Variants in PTK2 observed in about 807,000 individuals in gnomAD.
PTK2 encodes protein tyrosine kinase 2.
A neutral mutation model predicts 150.1 loss-of-function variants in PTK2; 45 were observed. That is an observed-to-expected ratio of 0.30 (90% CI 0.24 to 0.38). The LOEUF (loss-of-function observed/expected upper bound fraction) is 0.38, where lower values mean the gene tolerates loss of function less well. Ranked by LOEUF, PTK2 falls within the 10% of genes least tolerant of loss-of-function variation. The probability of loss-of-function intolerance (pLI) is 1.00; values close to 1 mark genes in which losing one functional copy is unlikely to be tolerated. For synonymous variants in PTK2, 432 were observed against 449.2 expected, an observed-to-expected ratio of 0.96 and a Z score of 0.48; for missense variants, 919 against 1,307.3, an observed-to-expected ratio of 0.70 and a Z score of 4.58.
intron 10 of PTK2, among the ~76,000 whole-genome samples, chr8:140,808,839 G>A (rs919730940): frequency 6.7e-6 from 1 of 149,500 alleles, no homozygotes; most frequent in Non-Finnish European, 1.5e-5. Context: ...GGGTTCAAGC[G>A]ATTCTCCTGC....
At position 140,800,444 on chromosome 8, in the gene PTK2, G is replaced by A. The variant is rs1217887093; in HGVS notation, c.1093+15C>T. Reference sequence around the variant, plus strand: ...GTAGAAGCGCAATTGGGAATGCTCAGAAACAGCACCTCACCTTTCTGAGGT... The same window carrying A: ...GTAGAAGCGCAATTGGGAATGCTCAAAAACAGCACCTCACCTTTCTGAGGT... On this transcript the variant is annotated intron_variant, in intron 12 of 31. Transcript: ENST00000522684. 1.9e-6 allele frequency: 3 copies of A among 1,597,036 alleles called. No individual in the cohort carries two copies. Among genetic ancestry groups the A allele is most frequent in the Non-Finnish European group, 2.6e-6 (3 of 1,164,636 alleles).
intron 25 of PTK2, among the ~76,000 whole-genome samples, chr8:140,701,401 C>T (rs1314864128): frequency 6.6e-6 from 1 of 152,060 alleles, no homozygotes; most frequent in Non-Finnish European, 1.5e-5. Flanking sequence ...AAATAGCAGA[C>T]AACTATAGAT....
intron 4 of PTK2, among the ~76,000 whole-genome samples, chr8:140,878,736 T>C (rs2100147143): frequency 6.6e-6 from 1 of 152,056 alleles, no homozygotes; most frequent in Non-Finnish European, 1.5e-5. Context: ...TAGCATTGCC[T>C]ATAAAAATTA....
intron 14 of PTK2, among the ~76,000 whole-genome samples, chr8:140,789,062 T>G (rs1323272270): frequency 6.6e-6 from 1 of 152,186 alleles, no homozygotes. Context: ...AAAGCAATAC[T>G]CAAACACCAT....
chr8:140,800,135 A>T (rs2100094108), intron 12 of PTK2, among the ~76,000 whole-genome samples: 1 of 152,202 alleles, frequency 6.6e-6, no homozygotes, highest in South Asian at 2.1e-4. Context: ...TTTTAAACCC[A>T]GAATTTTATT....
intron 2 of PTK2, among the ~76,000 whole-genome samples, chr8:140,895,513 C>A (rs13258420): frequency 0.42 from 62,466 of 148,912 alleles, 14,993 homozygotes; most frequent in Non-Finnish European, 0.55. Context: ...CAGAGCACAA[C>A]CCTGTCTCCT....
chr8:140,843,877 C>T (rs2100123757), intron 7 of PTK2, among the ~76,000 whole-genome samples: 1 of 151,646 alleles, frequency 6.6e-6, no homozygotes, highest in South Asian at 2.1e-4. Flanking sequence ...CTATACTTTA[C>T]TCAGATTTCA....
intron 7 of PTK2, among the ~76,000 whole-genome samples, chr8:140,832,199 C>T (rs894903072): frequency 1.2e-4 from 19 of 152,114 alleles, no homozygotes; most frequent in African/African-American, 4.6e-4. Flanking sequence ...GGTTTACAGG[C>T]CTGCACTACC....
At chr8:140,891,294 C>G (rs2100154170) in intron 2 of PTK2, among the ~76,000 whole-genome samples, 2 of 152,042 alleles carry the variant, frequency 1.3e-5, no homozygotes, top group Admixed American at 6.6e-5. Flanking sequence ...GAGAATCAGA[C>G]AGACAGCAAC....
At chr8:140,779,958 C>G (rs1202249942) in intron 14 of PTK2, among the ~76,000 whole-genome samples, 3 of 152,094 alleles carry the variant, frequency 2.0e-5, no homozygotes, top group Admixed American at 2.0e-4. Flanking sequence ...ATGGGGGAAC[C>G]TCCTATTCCA....
In PTK2 at chr8:140,887,073, T is replaced by C. The variant is rs573659020; in HGVS notation, c.195+3470A>G. Among the ~76,000 whole-genome samples the C allele has an allele frequency of 7.2e-5, 11 of 152,308 alleles. No homozygotes were observed. In the East Asian group the frequency reaches 9.7e-4, roughly 13 times the overall value. On this transcript the variant is annotated intron_variant, in intron 3 of 31. Transcript: ENST00000522684. Reference sequence around the variant, plus strand: ...CCAAGATAAGTGATGTTTGTGATCATGGGACCCTGAGCTGTTTGGGGGGCA... The same window carrying C: ...CCAAGATAAGTGATGTTTGTGATCACGGGACCCTGAGCTGTTTGGGGGGCA...
chr8:140,867,679 A>C lies in PTK2; in HGVS notation c.363-3280T>G, dbSNP rs1048621794. On this transcript the variant is annotated intron_variant, in intron 4 of 31. Coordinates refer to ENST00000522684, the Ensembl canonical transcript of PTK2. ...TACCTGGTTGATGAAATAATCTGTA[A>C]ACCAAACCCCTGTGACACGTAGTTT... is the stretch of plus-strand genomic sequence containing the variant. Among the ~76,000 whole-genome samples, 3 of 152,218 alleles carry C rather than the reference A, an allele frequency of 2.0e-5. No individual in the cohort carries two copies. The East Asian group carries it at 5.8e-4, about 29-fold the overall frequency.
chr8:140,896,829 C>G (rs1190496252), intron 2 of PTK2, among the ~76,000 whole-genome samples: 1 of 102,992 alleles, frequency 9.7e-6, no homozygotes, highest in Non-Finnish European at 2.1e-5. Context: ...TGGGAAAGAA[C>G]AAACAAAACT....
At chr8:140,816,007 A>G (rs1364493482) in intron 10 of PTK2, among the ~76,000 whole-genome samples, 1 of 152,176 alleles carries the variant, frequency 6.6e-6, no homozygotes, top group African/African-American at 2.4e-5. Context: ...ATGATCTTTG[A>G]GCTTCTTGTG....
rs771790926 is a variant in PTK2 at position 140,674,409 on chromosome 8, TGA to T, written c.2603-7_2603-6del. 1.3e-6 allele frequency: 2 copies of T among 1,578,574 alleles called. No individual in the cohort carries two copies. The highest frequency in any genetic ancestry group is 1.7e-6 in the Non-Finnish European group (2 of 1,161,182). On this transcript the variant is annotated splice_polypyrimidine_tract_variant and splice_region_variant and intron_variant, in intron 28 of 31. Transcript: ENST00000522684. ...TCTTTGGTGGAGCTGCAGGATCTGG[TGA>T]GAGAGAATGATTCCCATTAAGTCAT...
chr8:140,832,369 A>G (rs1432034294), intron 7 of PTK2, among the ~76,000 whole-genome samples: 1 of 152,118 alleles, frequency 6.6e-6, no homozygotes, highest in Non-Finnish European at 1.5e-5. Context: ...AGAGTTCTTA[A>G]TTTGAATCTT....
chr8:140,946,813 CTGTT>C (rs1265139131), intron 1 of PTK2, among the ~76,000 whole-genome samples: 4 of 152,302 alleles, frequency 2.6e-5, no homozygotes, highest in Admixed American at 6.5e-5. Context: ...TATACAGACT[CTGTT>C]TGGTCTACTG....
At chr8:140,906,261 C>CT (rs1602007774) in intron 2 of PTK2, among the ~76,000 whole-genome samples, 2 of 152,238 alleles carry the variant, frequency 1.3e-5, no homozygotes, top group Middle Eastern at 3.4e-3. Context: ...CTTCCACACT[C>CT]TGTTGGTAGG....
intron 22 of PTK2, among the ~76,000 whole-genome samples, chr8:140,726,993 T>C (rs548558546): frequency 6.6e-6 from 1 of 152,374 alleles, no homozygotes; most frequent in South Asian, 2.1e-4. Flanking sequence ...CTACATTTTA[T>C]ATGAAGTACA....
Sources: allele counts gnomAD v4.1 joint callset (sites outside exome capture counted in the v4.1 genomes callset), GRCh38; gene constraint gnomAD v4.1.1; transcripts MANE v1.5; gene names NCBI Gene and HGNC (gene_info 2026-07-23, HGNC 2026-07-21).